KIAA1328: variants seen among roughly 807,000 people sequenced by gnomAD.
The protein encoded by KIAA1328 is KIAA1328, also known as protein hinderin.
KIAA1328 carries 52 observed loss-of-function variants against 68.1 expected under a neutral mutation model. The observed-to-expected ratio is 0.76, with a 90% confidence interval of 0.61 to 0.96. The LOEUF (loss-of-function observed/expected upper bound fraction) is 0.96, where lower values mean the gene tolerates loss of function less well. KIAA1328 is among the 40% of genes least tolerant of loss of function. The pLI is 0.00. For missense variants in KIAA1328, 641 were observed against 677.6 expected, an observed-to-expected ratio of 0.95 and a Z score of 0.60; for synonymous variants, 232 against 239.4, an observed-to-expected ratio of 0.97 and a Z score of 0.28.
intron 9 of KIAA1328, among the ~76,000 whole-genome samples, chr18:37,213,907 G>A (rs1223039313): frequency 6.6e-6 from 1 of 152,190 alleles, no homozygotes; most frequent in East Asian, 1.9e-4. Context: ...CAGTGATGAT[G>A]AGCATTTTTT....
At chr18:36,885,907 G>A (rs569197240) in intron 5 of KIAA1328, 15 of 460,496 alleles carry the variant, frequency 3.3e-5, no homozygotes, top group Non-Finnish European at 4.9e-5. Flanking sequence ...AGTAGAGACG[G>A]GGTTTCACCT....
At chr18:36,861,980 T>A (rs190175535) in intron 4 of KIAA1328, among the ~76,000 whole-genome samples, 23 of 152,306 alleles carry the variant, frequency 1.5e-4, no homozygotes, top group Non-Finnish European at 2.2e-4. Context: ...CCCATTTATT[T>A]TATTCTAATC....
At chr18:37,012,377 A>C (rs1395169073) in intron 6 of KIAA1328, among the ~76,000 whole-genome samples, 1 of 152,180 alleles carries the variant, frequency 6.6e-6, no homozygotes, top group Admixed American at 6.5e-5. Flanking sequence ...AGAAAACTAA[A>C]ATGTATTCCC....
In KIAA1328 at chr18:37,097,131, A is replaced by C. The variant is rs191001689; in HGVS notation, c.1232+29586A>C. ...TTGTTGCCATTGCTTTTGGTGTTTT[A>C]GACATGAAGTCCTTGCCCATGCCTA... On this transcript the variant is annotated intron_variant, in intron 7 of 9. Transcript: ENST00000280020. Among the ~76,000 whole-genome samples the C allele has an allele frequency of 6.3e-4, 96 of 152,286 alleles. 1 individual carries two copies. Among genetic ancestry groups the C allele is most frequent in the Middle Eastern group, 3.4e-3 (1 of 294 alleles).
At chr18:37,180,205 C>T (rs1015614491) in intron 9 of KIAA1328, among the ~76,000 whole-genome samples, 8 of 151,766 alleles carry the variant, frequency 5.3e-5, no homozygotes, top group South Asian at 4.1e-4. Flanking sequence ...ATTTTAGGTA[C>T]GTTATTTCAT....
At chr18:37,076,487 G>C (rs1285913368) in intron 7 of KIAA1328, among the ~76,000 whole-genome samples, 1 of 151,804 alleles carries the variant, frequency 6.6e-6, no homozygotes, top group African/African-American at 2.4e-5. Flanking sequence ...TAAAATCAGA[G>C]CAGAATTGAA....
At chr18:36,981,462 A>G (rs1277362291) in intron 6 of KIAA1328, among the ~76,000 whole-genome samples, 1 of 152,222 alleles carries the variant, frequency 6.6e-6, no homozygotes, top group African/African-American at 2.4e-5. Flanking sequence ...CAGGAGAATA[A>G]TCAGTTGAAT....
intron 6 of KIAA1328, among the ~76,000 whole-genome samples, chr18:36,962,259 A>G (rs1401665248): frequency 6.6e-6 from 1 of 152,234 alleles, no homozygotes; most frequent in Non-Finnish European, 1.5e-5. Context: ...TCAATTCCAC[A>G]AGAAAAGCTA....
At chr18:37,001,956 G>A (rs966223350) in intron 6 of KIAA1328, among the ~76,000 whole-genome samples, 1 of 152,078 alleles carries the variant, frequency 6.6e-6, no homozygotes, top group African/African-American at 2.4e-5. Context: ...AAACAAGGAT[G>A]CCCACTTGCA....
At chr18:37,101,231 G>T (rs1568406593) in intron 7 of KIAA1328, among the ~76,000 whole-genome samples, 1 of 152,166 alleles carries the variant, frequency 6.6e-6, no homozygotes, top group East Asian at 1.9e-4. Flanking sequence ...GCTAAAGGAG[G>T]AAGTTCGAAG....
intron 7 of KIAA1328, among the ~76,000 whole-genome samples, chr18:37,126,158 A>C (rs1205180376): frequency 6.6e-6 from 1 of 152,198 alleles, no homozygotes; most frequent in Non-Finnish European, 1.5e-5. Context: ...AATTACCTTT[A>C]GGCTTTGTAT....
intron 5 of KIAA1328, 22 bp from the exon 6 acceptor site, chr18:36,959,286 T>A (rs2051554399): frequency 6.5e-7 from 1 of 1,547,618 alleles, no homozygotes; most frequent in Non-Finnish European, 8.7e-7. Context: ...TTCAGTTTTT[T>A]TCCCTTAATT....
chr18:37,206,243 C>T (rs145308798), intron 9 of KIAA1328, among the ~76,000 whole-genome samples: 2 of 152,250 alleles, frequency 1.3e-5, no homozygotes, highest in Non-Finnish European at 2.9e-5. Flanking sequence ...GATTTGTATG[C>T]ACTCATACAT....
intron 5 of KIAA1328, among the ~76,000 whole-genome samples, chr18:36,892,109 A>G (rs2048709697): frequency 6.6e-6 from 1 of 152,100 alleles, no homozygotes; most frequent in Admixed American, 6.6e-5. Flanking sequence ...CCAGACTACC[A>G]TGATTTGTCA....
intron 1 of KIAA1328, among the ~76,000 whole-genome samples, chr18:36,830,123 A>C (rs1379710057): frequency 1.3e-5 from 2 of 152,150 alleles, no homozygotes; most frequent in African/African-American, 4.8e-5. Context: ...CGTTGCTGTT[A>C]CCTTTGGCAG....
intron 6 of KIAA1328, among the ~76,000 whole-genome samples, chr18:37,024,933 G>C (rs939893428): frequency 2.0e-5 from 3 of 152,100 alleles, no homozygotes; most frequent in African/African-American, 7.2e-5. Flanking sequence ...CCTAGTTCTA[G>C]ATCCCTGAGG....
chr18:37,229,577 CA>C, downstream of KIAA1328: 1 of 1,276,786 alleles, frequency 7.8e-7, no homozygotes, highest in Non-Finnish European at 1.0e-6. Flanking sequence ...AGTCAATCTT[CA>C]AGAAGTATCA....
In KIAA1328 at chr18:37,048,007, AGATTT is replaced by A. The variant is rs1181345787; in HGVS notation, c.577-18881_577-18877del. ...CCTTATAATGCTGGCCAAATATACA[AGATTT>A]GGCCTTTGGCTACAAAACTTTTGGC... is the stretch of plus-strand genomic sequence containing the variant. On this transcript the variant is annotated intron_variant, in intron 6 of 9. Coordinates refer to ENST00000280020, the MANE Select transcript of KIAA1328 (RefSeq NM_020776.3). Among the ~76,000 whole-genome samples the A allele has an allele frequency of 5.3e-5, 8 of 152,332 alleles. No homozygotes were observed. The South Asian group carries it at 1.7e-3, about 32-fold the overall frequency.
intron 7 of KIAA1328, among the ~76,000 whole-genome samples, chr18:37,136,301 A>G (rs1043773148): frequency 6.6e-6 from 1 of 152,076 alleles, no homozygotes; most frequent in East Asian, 1.9e-4. Flanking sequence ...GGTACCATAT[A>G]TTGGACTACT....
Sources: gnomAD v4.1 joint callset for allele counts (sites outside exome capture counted in the v4.1 genomes callset) on GRCh38, gnomAD v4.1.1 for gene constraint, MANE v1.5 for transcripts, NCBI Gene and HGNC (gene_info 2026-07-23, HGNC 2026-07-21) for gene names.